The following ZNF285 variants were observed in gnomAD, a reference collection of about 807,000 sequenced individuals.
ZNF285 encodes the protein zinc finger protein 285.
In ZNF285, 4 loss-of-function variants were observed where a neutral mutation model predicts 6.2. The ratio of observed to expected loss-of-function variants is 0.65; its 90% CI spans 0.32 to 1.49. The LOEUF (loss-of-function observed/expected upper bound fraction) is 1.49, where lower values mean the gene tolerates loss of function less well. Among genes scored for constraint, ZNF285 ranks in the 40% most tolerant of loss-of-function variants. The probability of loss-of-function intolerance (pLI) is 0.07; values close to 1 mark genes in which losing one functional copy is unlikely to be tolerated. For missense variants in ZNF285, 695 were observed against 708.8 expected (o/e 0.98, Z 0.22); for synonymous variants, 240 against 245.8 (o/e 0.98, Z 0.22).
At chr19:44,389,166 T>C (rs1394830086) in intron 3 of ZNF285, among the ~76,000 whole-genome samples, 3 of 151,708 alleles carry the variant, frequency 2.0e-5, no homozygotes, top group Non-Finnish European at 4.4e-5. Flanking sequence ...ACTATGAAAA[T>C]GGGGAACAGA....
chr19:44,386,922 T>G lies in ZNF285; in HGVS notation c.1323A>C (p.Thr441=), dbSNP rs756528715. The change falls in exon 4 of 4, where the codon ACA becomes ACC. Residue 441 remains threonine (T), a synonymous_variant. Coordinates refer to ENST00000614994, the MANE Select transcript of ZNF285 (RefSeq NM_152354.6). ...GGACTCTCTGGTGAATGTGAAGGTG[T>G]GTACATTGGCTGAAGCCCTTTCCAC... ...GECGKGFSQC[T]HLHIHQRVHT... is the part of the protein sequence containing the mutation. 1 of 1,612,968 alleles carries G rather than the reference T, an allele frequency of 6.2e-7. No homozygotes were observed. The highest frequency in any genetic ancestry group is 2.2e-5 in the East Asian group (1 of 44,716).
At chr19:44,398,889 G>C (rs1157335567) in intron 1 of ZNF285, among the ~76,000 whole-genome samples, 3 of 152,080 alleles carry the variant, frequency 2.0e-5, no homozygotes, top group Admixed American at 6.5e-5. Flanking sequence ...CACTATCTGT[G>C]ATAAAGGACT....
rs140316520 is a variant in ZNF285, at chr19:44,387,882, A to C, written c.363T>G (p.Asn121Lys). Residue 121 changes from asparagine to lysine, a missense_variant, in exon 4 of 4, where the codon AAT becomes AAG. Coordinates refer to ENST00000614994, the MANE Select transcript of ZNF285 (RefSeq NM_152354.6). Reference sequence around the variant, plus strand: ...TAATGGCATTTACTACATAGTTTTCATTTTCAGAAATCTGAAGAGAAATGC... The same window carrying C: ...TAATGGCATTTACTACATAGTTTTCCTTTTCAGAAATCTGAAGAGAAATGC... ...WAGISLQISE[N>K]ENYVVNAIIK... 4.3e-4 allele frequency: 702 copies of C among 1,613,894 alleles called. 4 individuals carry two copies. In the African/African-American group the frequency reaches 8.5e-3, roughly 19 times the overall value.
rs1243788224 is a variant in ZNF285, at chr19:44,386,634, C to T, written c.1611G>A (p.Glu537=). ...LNVHLRVHTG[E]RPYKCKACGK... is the part of the protein sequence containing the mutation. ...CACATGCCTTACACTTATAGGGCCTCTCTCCTGTGTGGACTCTGAGGTGAA... is the reference window on the plus strand; with the variant it reads ...CACATGCCTTACACTTATAGGGCCTTTCTCCTGTGTGGACTCTGAGGTGAA... The change falls in exon 4 of 4, where the codon GAG becomes GAA. Residue 537 remains glutamate (E), a synonymous_variant. Coordinates refer to ENST00000614994, the MANE Select transcript of ZNF285 (RefSeq NM_152354.6). 1 of 1,614,134 alleles carries T rather than the reference C, an allele frequency of 6.2e-7. No individual in the cohort carries two copies. Among genetic ancestry groups the T allele is most frequent in the Admixed American group, 1.7e-5 (1 of 60,016 alleles).
intron 1 of ZNF285, 141 bp from the exon 2 acceptor site, chr19:44,397,397 C>T (rs1374951927): frequency 6.3e-6 from 6 of 949,872 alleles, no homozygotes; most frequent in Non-Finnish European, 9.6e-6. Flanking sequence ...AGACTGAACT[C>T]CCACCTCCTC....
intron 1 of ZNF285, 105 bp from the exon 2 acceptor site, chr19:44,397,361 G>A (rs2722650): frequency 0.21 from 284,898 of 1,328,392 alleles, 47,227 homozygotes; most frequent in East Asian, 0.75. Flanking sequence ...TCCTCTCACT[G>A]GATATCATCT....
intron 3 of ZNF285, among the ~76,000 whole-genome samples, chr19:44,391,152 CAA>C (rs771843198): frequency 1.5e-4 from 17 of 114,550 alleles, no homozygotes; most frequent in Non-Finnish European, 7.5e-5. Flanking sequence ...GACTCCATCT[CAA>C]AAAAAAAAAA....
intron 2 of ZNF285, among the ~76,000 whole-genome samples, chr19:44,393,147 A>G (rs1283067694): frequency 6.6e-6 from 1 of 152,164 alleles, no homozygotes; most frequent in African/African-American, 2.4e-5. Context: ...TATTCTTAGG[A>G]GATACAAACT....
intron 3 of ZNF285, among the ~76,000 whole-genome samples, chr19:44,389,864 A>C (rs988605754): frequency 2.6e-5 from 4 of 152,176 alleles, no homozygotes; most frequent in Non-Finnish European, 4.4e-5. Context: ...CTGTGTCTAC[A>C]GTTTACACTT....
Position 44,387,469 on chromosome 19 carries a change from G to T in ZNF285, c.776C>A (p.Ser259Tyr), listed in dbSNP as rs1213548529. The change falls in exon 4 of 4, where the codon TCT becomes TAT. Residue 259 changes from serine (S) to tyrosine (Y), a missense_variant. Coordinates refer to ENST00000614994, the MANE Select transcript of ZNF285 (RefSeq NM_152354.6). ...CTTTCCATACTGGTCACATTTATAA[G>T]ATTTTTCTCCTAGGTGAGTGCTGTG... ...VHHSTHLGEK[S>Y]YKCDQYGKNF... is the part of the protein sequence containing the mutation. 2 of 1,614,064 alleles carry T rather than the reference G, an allele frequency of 1.2e-6. No individual in the cohort carries two copies. The highest frequency in any genetic ancestry group is 2.7e-5 in the African/African-American group (2 of 75,044).
At chr19:44,396,280 G>A (rs2123284868) in intron 2 of ZNF285, among the ~76,000 whole-genome samples, 1 of 152,214 alleles carries the variant, frequency 6.6e-6, no homozygotes, top group South Asian at 2.1e-4. Flanking sequence ...TGCATGATGG[G>A]TACTGCAAAT....
chr19:44,387,051 C>T lies in ZNF285; in HGVS notation c.1194G>A (p.Lys398=). 1 of 1,614,054 alleles carries T rather than the reference C, an allele frequency of 6.2e-7. No individual in the cohort carries two copies. The highest frequency in any genetic ancestry group is 8.5e-7 in the Non-Finnish European group (1 of 1,180,008). The part of the protein sequence containing the change: ...LVHQRVHTGE[K]PYKCSECGKC... ...TGCCACACTCACTGCATTTGTAGGG[C>T]TTCTCTCCAGTGTGGACTCTCTGAT... The change falls in exon 4 of 4, where the codon AAG becomes AAA. Residue 398 remains lysine, a synonymous_variant. Coordinates refer to ENST00000614994, the MANE Select transcript of ZNF285 (RefSeq NM_152354.6).
chr19:44,398,111 A>G (rs1971315014), intron 1 of ZNF285, among the ~76,000 whole-genome samples: 1 of 152,250 alleles, frequency 6.6e-6, no homozygotes, highest in East Asian at 1.9e-4. Flanking sequence ...TTGGCTTCCT[A>G]AACTATCTCT....
Position 44,384,117 on chromosome 19 carries a change from G to C in ZNF285, c.*2355C>G, listed in dbSNP as rs1251673360. The C allele has an allele frequency of 6.6e-6, 1 of 152,098 alleles. No individual in the cohort carries two copies. The highest frequency in any genetic ancestry group is 1.5e-5 in the Non-Finnish European group (1 of 68,026). 9.4% of individuals were successfully genotyped at this position (152,098 alleles called of 1,614,324 possible). On this transcript the variant is annotated 3_prime_UTR_variant, in exon 4 of 4. Transcript: ENST00000614994. ...TGCAAGTAGGAGTACTGGAGTATGTGGTGGACATGGACAATAACATGTGGA... is the reference window on the plus strand; with the variant it reads ...TGCAAGTAGGAGTACTGGAGTATGTCGTGGACATGGACAATAACATGTGGA...
rs1332854888 is a variant in ZNF285, at chr19:44,397,227, T to A, written c.-14A>T. 4.3e-6 allele frequency: 7 copies of A among 1,613,798 alleles called. No homozygotes were observed. The African/African-American group carries it at 5.3e-5, about 12-fold the overall frequency. On this transcript the variant is annotated 5_prime_UTR_variant, in exon 2 of 4. Transcript: ENST00000614994. ...GAACTTAATCATACCGTCTTCCTTT[T>A]GGAAAGGGCAGGATTCTGGAAAAGC...
chr19:44,389,639 A>C lies in ZNF285; in HGVS notation c.143-1537T>G, dbSNP rs1350944450. 4.0e-5 allele frequency among the ~76,000 whole-genome samples: 6 copies of C among 151,546 alleles called. No individual in the cohort carries two copies. In the East Asian group the frequency reaches 7.8e-4, roughly 20 times the overall value. ...ATCTATTTTTTTTCTTTCTTTCTTT[A>C]TTATTATTATACTTTAAGATTTAGG... On this transcript the variant is annotated intron_variant, in intron 3 of 3. Transcript: ENST00000614994.
chr19:44,388,876 C>T (rs28603040), intron 3 of ZNF285, among the ~76,000 whole-genome samples: 12,996 of 106,238 alleles, frequency 0.12, 521 homozygotes, highest in African/African-American at 0.27. Context: ...AGGACTATCA[C>T]GTATGTTTGT....
intron 1 of ZNF285, among the ~76,000 whole-genome samples, chr19:44,399,954 A>G (rs1186578418): frequency 6.6e-6 from 1 of 151,410 alleles, no homozygotes; most frequent in Middle Eastern, 3.4e-3. Flanking sequence ...GTTGTTTAGA[A>G]GGGCAGCTAA....
At chr19:44,397,585 A>G (rs2164114) in intron 1 of ZNF285, among the ~76,000 whole-genome samples, 62,573 of 152,058 alleles carry the variant, frequency 0.41, 17,511 homozygotes, top group African/African-American at 0.76. Context: ...GAATTGCTGA[A>G]TAAGGGAGCA....
Sources: gnomAD v4.1 joint callset for allele counts (sites outside exome capture counted in the v4.1 genomes callset) on GRCh38, gnomAD v4.1.1 for gene constraint, MANE v1.5 for transcripts, NCBI Gene and HGNC (gene_info 2026-07-23, HGNC 2026-07-21) for gene names.